LRPAP1: variants seen among roughly 807,000 people sequenced by gnomAD.
LRPAP1 encodes the protein LDL receptor related protein associated protein 1.
Under a neutral mutation model 39.9 loss-of-function variants are expected in LRPAP1, and 41 were observed. The ratio of observed to expected loss-of-function variants is 1.03; its 90% confidence interval spans 0.80 to 1.33. LRPAP1 has a LOEUF of 1.33. LRPAP1 is among the 40% of genes most tolerant of loss of function. LRPAP1 has a pLI of 0.00. For synonymous variants in LRPAP1, 263 were observed against 212.7 expected (o/e 1.24, Z -2.06); for missense variants, 565 against 482.3 (o/e 1.17, Z -1.61).
At chr4:3,515,642 G>T (rs561497682) in intron 6 of LRPAP1, among the ~76,000 whole-genome samples, 14 of 152,234 alleles carry the variant, frequency 9.2e-5, no homozygotes, top group Admixed American at 1.3e-4. Flanking sequence ...AGCCCTGCTG[G>T]GTGCTCACCG....
At chr4:3,529,636 G>A (rs1420913323) in intron 1 of LRPAP1, among the ~76,000 whole-genome samples, 1 of 152,182 alleles carries the variant, frequency 6.6e-6, no homozygotes, top group African/African-American at 2.4e-5. Flanking sequence ...GGAACTGGGA[G>A]AGTCACAGAA....
intron 6 of LRPAP1, among the ~76,000 whole-genome samples, chr4:3,515,719 G>A (rs1476009469): frequency 6.6e-6 from 1 of 152,144 alleles, no homozygotes; most frequent in Non-Finnish European, 1.5e-5. Context: ...CCTGCCACCT[G>A]AGGTGGTCTC....
intron 5 of LRPAP1, chr4:3,517,741 G>C (rs1729762134): frequency 3.0e-6 from 1 of 332,550 alleles, no homozygotes; most frequent in African/African-American, 2.2e-5. Context: ...GCACGGGAGG[G>C]GCCGTGCTGC....
rs886273189 is a variant in LRPAP1, at chr4:3,512,155, G to A, written c.*819C>T. 2 of 152,324 alleles carry A rather than the reference G, an allele frequency of 1.3e-5. No individual in the cohort carries two copies. Among genetic ancestry groups the A allele is most frequent in the African/African-American group, 4.8e-5 (2 of 41,434 alleles). The allele number at this position is 152,324 out of a possible 1,614,324, so 9.4% of individuals were successfully genotyped here. ...CAGGCTCAGACACAGGAACATTCTCGGAGCCGGACCTGAGCAACCGCCAGT... is the reference window on the plus strand; with the variant it reads ...CAGGCTCAGACACAGGAACATTCTCAGAGCCGGACCTGAGCAACCGCCAGT... On this transcript the variant is annotated 3_prime_UTR_variant, in exon 8 of 8. Transcript: ENST00000650182.
At chr4:3,532,168 C>G in intron 1 of LRPAP1, 41 bp downstream of exon 1, 1 of 1,543,266 alleles carries the variant, frequency 6.5e-7, no homozygotes, top group South Asian at 1.2e-5. Context: ...CCACGGCCCC[C>G]GCCCCCAGGC....
intron 5 of LRPAP1, chr4:3,517,608 C>A (rs1440414954): frequency 2.5e-5 from 4 of 158,288 alleles, no homozygotes; most frequent in Admixed American, 1.9e-4. Flanking sequence ...GAGCCACAAG[C>A]TCTGTGGCCT....
At position 3,518,821 on chromosome 4, in the gene LRPAP1, G is replaced by T. The variant is rs1454738590; in HGVS notation, c.592+50C>A. 23 of 1,247,464 alleles carry T rather than the reference G, an allele frequency of 1.8e-5. No homozygotes were observed. In the East Asian group the frequency reaches 6.0e-4, roughly 32 times the overall value. 77.3% of individuals were successfully genotyped at this position (1,247,464 alleles called of 1,614,324 possible). ...AGCCTCAGGTGCAGGAGGGGTGGGG[G>T]GCAGGAGGGGGTGGGGCAGAGGGCA... On this transcript the variant is annotated intron_variant, in intron 4 of 7. Coordinates refer to ENST00000650182, the MANE Select transcript of LRPAP1 (RefSeq NM_002337.4).
chr4:3,514,101 G>A (rs557508102), intron 7 of LRPAP1, among the ~76,000 whole-genome samples: 18 of 152,370 alleles, frequency 1.2e-4, no homozygotes, highest in Admixed American at 2.0e-4. Context: ...TCCTGCCCAC[G>A]GGCAAGGGCC....
chr4:3,527,385 C>T (rs1730108885), intron 1 of LRPAP1, among the ~76,000 whole-genome samples: 1 of 152,226 alleles, frequency 6.6e-6, no homozygotes, highest in Non-Finnish European at 1.5e-5. Flanking sequence ...AATGAGGCAC[C>T]TGAGTGACGC....
Position 3,520,133 on chromosome 4 carries a change from G to T in LRPAP1, c.410C>A (p.Ser137Tyr). 1 of 1,614,180 alleles carries T rather than the reference G, an allele frequency of 6.2e-7. No homozygotes were observed. Among genetic ancestry groups the T allele is most frequent in the Non-Finnish European group, 8.5e-7 (1 of 1,180,030 alleles). The change falls in exon 3 of 8, where the codon TCC (serine) becomes TAC (tyrosine). Residue 137 changes from serine (S) to tyrosine (Y), a missense_variant. Physicochemically the swap from Ser to Tyr is moderately radical, Grantham distance 144. Transcript: ENST00000650182. Reference sequence around the variant, plus strand: ...CCCGTCTTCCTGGGTGCCACTGAGGGAGTTGCTGGTCACCTGCCGAGCGTC... The same window carrying T: ...CCCGTCTTCCTGGGTGCCACTGAGGTAGTTGCTGGTCACCTGCCGAGCGTC... Reference protein sequence around the residue: ...KKDARQVTSNSLSGTQEDGLD... With the variant: ...KKDARQVTSNYLSGTQEDGLD...
At chr4:3,530,658 G>T (rs975040822) in intron 1 of LRPAP1, among the ~76,000 whole-genome samples, 8 of 152,226 alleles carry the variant, frequency 5.3e-5, no homozygotes, top group Non-Finnish European at 1.0e-4. Flanking sequence ...AGCACCGGGG[G>T]ACAGTGCAGG....
rs1309254473 is a variant in LRPAP1, at chr4:3,511,855, G to C, written c.*1119C>G. 1 of 143,476 alleles carries C rather than the reference G, an allele frequency of 7.0e-6. No individual in the cohort carries two copies. Among genetic ancestry groups the C allele is most frequent in the African/African-American group, 2.6e-5 (1 of 37,906 alleles). The allele number at this position is 143,476 out of a possible 1,614,324, so 8.9% of individuals were successfully genotyped here. A position where few individuals can be genotyped will look rare whatever the true frequency, so the allele number is the denominator to read the frequency against. ...GGGAACCACGCCCAGAGCCGGACCC[G>C]AGCCTCTTCCAGGCTCAGACACGGG... On this transcript the variant is annotated 3_prime_UTR_variant, in exon 8 of 8. Coordinates refer to ENST00000650182, the MANE Select transcript of LRPAP1 (RefSeq NM_002337.4).
At chr4:3,528,518 C>T (rs2108697868) in intron 1 of LRPAP1, among the ~76,000 whole-genome samples, 1 of 152,354 alleles carries the variant, frequency 6.6e-6, no homozygotes, top group South Asian at 2.1e-4. Flanking sequence ...TGGTGTCAAC[C>T]TGCACACACC....
intron 3 of LRPAP1, 28 bp downstream of exon 3, chr4:3,520,044 G>T: frequency 6.2e-7 from 1 of 1,610,824 alleles, no homozygotes; most frequent in Non-Finnish European, 8.5e-7. Context: ...CACCAATTCT[G>T]CAAGGTATGC....
Position 3,512,939 on chromosome 4 carries a change from G to C in LRPAP1, c.*35C>G. 1 of 1,589,778 alleles carries C rather than the reference G, an allele frequency of 6.3e-7. No homozygotes were observed. The highest frequency in any genetic ancestry group is 8.6e-7 in the Non-Finnish European group (1 of 1,167,804). ...CCAAGAGCCCAGGTCCTTCACGCTG[G>C]CCTCTTCCCTGCCGGGCTGGGCTCC... is the stretch of plus-strand genomic sequence containing the variant. On this transcript the variant is annotated 3_prime_UTR_variant, in exon 8 of 8. Coordinates refer to ENST00000650182, the MANE Select transcript of LRPAP1 (RefSeq NM_002337.4).
At chr4:3,521,944 A>G (rs1236973558) in intron 2 of LRPAP1, among the ~76,000 whole-genome samples, 3 of 152,256 alleles carry the variant, frequency 2.0e-5, no homozygotes, top group Admixed American at 2.0e-4. Context: ...AAGACCAGCC[A>G]GGGCAGCAAA....
intron 1 of LRPAP1, chr4:3,531,956 A>G (rs1730267566): frequency 1.8e-6 from 1 of 558,514 alleles, no homozygotes; most frequent in Non-Finnish European, 3.2e-6. Context: ...GGAGGGCGAC[A>G]CTGACCCTCG....
At chr4:3,514,284 A>G (rs1031216565) in intron 7 of LRPAP1, among the ~76,000 whole-genome samples, 1 of 152,214 alleles carries the variant, frequency 6.6e-6, no homozygotes, top group Non-Finnish European at 1.5e-5. Flanking sequence ...CTCCCTCCAG[A>G]AAGAACTTGG....
chr4:3,531,087 C>A (rs1483293739), intron 1 of LRPAP1, among the ~76,000 whole-genome samples: 2 of 152,120 alleles, frequency 1.3e-5, no homozygotes, highest in African/African-American at 2.4e-5. Flanking sequence ...CCTCCAGAAT[C>A]CCTTCCTCCA....
Sources: allele counts gnomAD v4.1 joint callset (sites outside exome capture counted in the v4.1 genomes callset), GRCh38; gene constraint gnomAD v4.1.1; transcripts MANE v1.5; gene names NCBI Gene and HGNC (gene_info 2026-07-23, HGNC 2026-07-21).